STAT4: variants seen among roughly 807,000 people sequenced by gnomAD.
The protein encoded by STAT4 is signal transducer and activator of transcription 4.
STAT4 carries 42 observed loss-of-function variants against 110.5 expected under a neutral mutation model. The observed-to-expected ratio is 0.38, with a 90% CI of 0.30 to 0.49. The LOEUF is 0.49. Ranked by LOEUF, STAT4 falls within the 20% of genes least tolerant of loss-of-function variation. The pLI is 0.95. For missense variants in STAT4, 632 were observed against 887.9 expected (o/e 0.71, Z 3.66); for synonymous variants, 284 against 302.2 (o/e 0.94, Z 0.63).
rs1033509822 is a variant in STAT4 at position 191,144,907 on chromosome 2, G to T, written c.273+1706C>A. ...TACAGGTCAGAAGATTAAGTGATTT[G>T]CTCAAAGCCACATTTGAGAGTCAGA... On this transcript the variant is annotated intron_variant, in intron 3 of 23. Transcript: ENST00000392320. The surrounding 1 kb of genome is among the most constrained non-coding windows in gnomAD (Gnocchi z 4.7). Among the ~76,000 whole-genome samples the T allele has an allele frequency of 2.6e-5, 4 of 152,142 alleles. No individual in the cohort carries two copies. Among genetic ancestry groups the T allele is most frequent in the Non-Finnish European group, 5.9e-5 (4 of 68,022 alleles).
In STAT4 at chr2:191,050,722, ACCC is replaced by A. The variant is rs1222252572; in HGVS notation, c.1251+3765_1251+3767del. Among the ~76,000 whole-genome samples, 1 of 151,990 alleles carries A rather than the reference ACCC, an allele frequency of 6.6e-6. No homozygotes were observed. Among genetic ancestry groups the A allele is most frequent in the Non-Finnish European group, 1.5e-5 (1 of 67,992 alleles). On this transcript the variant is annotated intron_variant, in intron 14 of 23. Transcript: ENST00000392320. This position sits in a 1 kb window ranked among gnomAD's most constrained non-coding sequence, Gnocchi z 4.3. ...GGAGCCAGAGCTCCACATTTCCCCAACCCCCAGGGCAAATGGGGTTCCTGAGGT... is the reference window on the plus strand; with the variant it reads ...GGAGCCAGAGCTCCACATTTCCCCAACCAGGGCAAATGGGGTTCCTGAGGT...
chr2:191,097,763 G>C (rs1328639874), intron 3 of STAT4, among the ~76,000 whole-genome samples: 1 of 152,112 alleles, frequency 6.6e-6, no homozygotes, highest in East Asian at 1.9e-4. Context: ...AGCCAAAATA[G>C]ACAAATGGGA....
chr2:191,084,318 A>G (rs1022739347), intron 3 of STAT4, among the ~76,000 whole-genome samples: 4 of 151,930 alleles, frequency 2.6e-5, no homozygotes, highest in Non-Finnish European at 1.5e-5. Flanking sequence ...CTATAAGCTT[A>G]TGTTCTTAGA....
In STAT4 at chr2:191,032,015, C is replaced by A. The variant is rs1157019497; in HGVS notation, c.2045-499G>T. On this transcript the variant is annotated intron_variant, in intron 21 of 23. Coordinates refer to ENST00000392320, the MANE Select transcript of STAT4 (RefSeq NM_003151.4). This position sits in a 1 kb window ranked among gnomAD's most constrained non-coding sequence, Gnocchi z 4.9. ...CACCTTGGAAAAATTCCCCAAACTT[C>A]TCTGGTATACCATGTTGAACTAGTA... Among the ~76,000 whole-genome samples, 1 of 152,218 alleles carries A rather than the reference C, an allele frequency of 6.6e-6. No individual in the cohort carries two copies. The highest frequency in any genetic ancestry group is 6.5e-5 in the Admixed American group (1 of 15,278).
intron 1 of STAT4, among the ~76,000 whole-genome samples, chr2:191,148,596 A>G (rs1170999705): frequency 2.0e-5 from 3 of 152,200 alleles, no homozygotes; most frequent in African/African-American, 4.8e-5. Flanking sequence ...GACATTTACT[A>G]TACCTCCTAA....
Position 191,089,326 on chromosome 2 carries a change from C to T in STAT4, c.274-13001G>A, listed in dbSNP as rs989239263. 2.6e-5 allele frequency among the ~76,000 whole-genome samples: 4 copies of T among 152,122 alleles called. No individual in the cohort carries two copies. In the East Asian group the frequency reaches 7.7e-4, roughly 29 times the overall value. On this transcript the variant is annotated intron_variant, in intron 3 of 23. Transcript: ENST00000392320. ...AAAGATGCTCCACATCATACGTGGTCAGGGAAATGCATACTAAAATAACAA... is the reference window on the plus strand; with the variant it reads ...AAAGATGCTCCACATCATACGTGGTTAGGGAAATGCATACTAAAATAACAA...
At chr2:191,057,335 T>C (rs1696726817) in intron 13 of STAT4, among the ~76,000 whole-genome samples, 1 of 152,212 alleles carries the variant, frequency 6.6e-6, no homozygotes, top group African/African-American at 2.4e-5. Context: ...TTGCTGCGTA[T>C]GACACAATTT....
intron 3 of STAT4, among the ~76,000 whole-genome samples, chr2:191,102,513 A>T (rs76487687): frequency 0.011 from 1,613 of 152,238 alleles, 22 homozygotes; most frequent in African/African-American, 0.037. Context: ...CACATTCACT[A>T]CAAGCTCCTC....
rs771471597 is a variant in STAT4 at position 191,058,079 on chromosome 2, A to G, written c.1145T>C (p.Val382Ala). ...NRRFVLCGTNVKAMSIEESSN... is the reference protein window; with the variant it reads ...NRRFVLCGTNAKAMSIEESSN... ...AGATTCTTCAATAGACATGGCTTTG[A>G]CATTAGTTCCACAAAGTACAAATCT... The change falls in exon 13 of 24, where the codon GTC becomes GCC. Residue 382 changes from valine to alanine, a missense_variant. Physicochemically the swap from Val to Ala is moderately conservative, Grantham distance 64. This residue lies in a region of STAT4 where 488 missense variants were observed against 632.8 expected (regional missense o/e 0.77). Transcript: ENST00000392320. The surrounding 1 kb of genome is among the most constrained non-coding windows in gnomAD (Gnocchi z 4.3). 1 of 1,614,122 alleles carries G rather than the reference A, an allele frequency of 6.2e-7. No homozygotes were observed. The highest frequency in any genetic ancestry group is 8.5e-7 in the Non-Finnish European group (1 of 1,180,004).
At position 191,083,809 on chromosome 2, in the gene STAT4, A is replaced by C. The variant is rs1477074547; in HGVS notation, c.274-7484T>G. Among the ~76,000 whole-genome samples the C allele has an allele frequency of 6.6e-6, 1 of 152,210 alleles. No individual in the cohort carries two copies. The highest frequency in any genetic ancestry group is 2.4e-5 in the African/African-American group (1 of 41,468). ...GGGTATCAAACTGACTTACTCATAA[A>C]TTAAGTAAATAAGCCCAAATGCCTT... On this transcript the variant is annotated intron_variant, in intron 3 of 23. Coordinates refer to ENST00000392320, the MANE Select transcript of STAT4 (RefSeq NM_003151.4). The surrounding 1 kb of genome is among the most constrained non-coding windows in gnomAD (Gnocchi z 4.6).
At position 191,055,344 on chromosome 2, in the gene STAT4, G is replaced by A. The variant is rs187774754; in HGVS notation, c.1207-810C>T. On this transcript the variant is annotated intron_variant, in intron 13 of 23. Coordinates refer to ENST00000392320, the MANE Select transcript of STAT4 (RefSeq NM_003151.4). ...CTCCAGAGTATCTGGGACTACAGGCGCCCACCACCAAGCCTGGCTAATTTT... is the reference window on the plus strand; with the variant it reads ...CTCCAGAGTATCTGGGACTACAGGCACCCACCACCAAGCCTGGCTAATTTT... Among the ~76,000 whole-genome samples, 19 of 148,042 alleles carry A rather than the reference G, an allele frequency of 1.3e-4. No homozygotes were observed. The East Asian group carries it at 2.6e-3, about 20-fold the overall frequency.
At chr2:191,057,744 G>T (rs3024867) in intron 13 of STAT4, among the ~76,000 whole-genome samples, 2 of 151,082 alleles carry the variant, frequency 1.3e-5, no homozygotes, top group East Asian at 3.9e-4. Flanking sequence ...GATTACAGGC[G>T]CCTGCCACCA....
chr2:191,100,254 C>T (rs766514392), intron 3 of STAT4, among the ~76,000 whole-genome samples: 12 of 152,124 alleles, frequency 7.9e-5, no homozygotes, highest in Non-Finnish European at 1.8e-4. Flanking sequence ...TCTATTTGAA[C>T]TATGTGGCGG....
At chr2:191,127,628 A>T (rs1435516953) in intron 3 of STAT4, among the ~76,000 whole-genome samples, 1 of 152,238 alleles carries the variant, frequency 6.6e-6, no homozygotes, top group African/African-American at 2.4e-5. Context: ...CATATGATGT[A>T]ATCAATATTC....
intron 8 of STAT4, among the ~76,000 whole-genome samples, 183 bp from the exon 9 acceptor site, chr2:191,063,103 T>G (rs1696894750): frequency 6.6e-6 from 1 of 152,224 alleles, no homozygotes; most frequent in Non-Finnish European, 1.5e-5. Context: ...ACCCATTTTT[T>G]TCTTGAATAT....
rs1156554424 is a variant in STAT4 at position 191,059,867 on chromosome 2, A to C, written c.1035-1098T>G. On this transcript the variant is annotated intron_variant, in intron 10 of 23. Transcript: ENST00000392320. This position sits in a 1 kb window ranked among gnomAD's most constrained non-coding sequence, Gnocchi z 4.7. ...GGTGAGAAGGGGGCATAGTCACATA[A>C]AATCAGGCCAGATGTTTTTCCTCTC... Among the ~76,000 whole-genome samples the C allele has an allele frequency of 6.6e-6, 1 of 152,198 alleles. No homozygotes were observed. Among genetic ancestry groups the C allele is most frequent in the Non-Finnish European group, 1.5e-5 (1 of 68,028 alleles).
At position 191,030,979 on chromosome 2, in the gene STAT4, T is replaced by G. The variant is rs1450518281; in HGVS notation, c.2213A>C (p.Glu738Ala). 1.2e-6 allele frequency: 2 copies of G among 1,613,630 alleles called. No individual in the cohort carries two copies. The highest frequency in any genetic ancestry group is 2.7e-5 in the African/African-American group (2 of 74,914). ...AAAATAAAGGGAACATACTGCAGTTTCAATTGTTGTGGGACTCAGGTTTTC... is the reference window on the plus strand; with the variant it reads ...AAAATAAAGGGAACATACTGCAGTTGCAATTGTTGTGGGACTCAGGTTTTC... ...LRENLSPTTI[E>A]TAMKSPYSAE Residue 738 changes from glutamate (E) to alanine (A), a missense_variant, in exon 23 of 24, where the codon GAA becomes GCA. This residue lies in a region of STAT4 where 32 missense variants were observed against 67.6 expected (regional missense o/e 0.47). Transcript: ENST00000392320. The surrounding 1 kb of genome is among the most constrained non-coding windows in gnomAD (Gnocchi z 4.4).
At chr2:191,067,473 C>G (rs1271227741) in intron 6 of STAT4, among the ~76,000 whole-genome samples, 1 of 152,168 alleles carries the variant, frequency 6.6e-6, no homozygotes, top group Non-Finnish European at 1.5e-5. Flanking sequence ...AACACCACAC[C>G]TAGAGCCCAA....
intron 8 of STAT4, 66 bp downstream of exon 8, chr2:191,064,741 C>T: frequency 6.4e-7 from 1 of 1,553,516 alleles, no homozygotes; most frequent in East Asian, 2.3e-5. Flanking sequence ...CGTTCTCTGG[C>T]TGAGTGACAC....
Sources: gnomAD v4.1 joint callset for allele counts (sites outside exome capture counted in the v4.1 genomes callset) on GRCh38, gnomAD v4.1.1 for gene constraint, gnomAD v4.1.1 regional missense constraint, Gnocchi (gnomAD v3.1) non-coding constraint, MANE v1.5 for transcripts, NCBI Gene and HGNC (gene_info 2026-07-23, HGNC 2026-07-21) for gene names.